ADCY1: variants seen among roughly 807,000 people sequenced by gnomAD.
ADCY1 encodes the protein adenylate cyclase 1.
ADCY1 carries 28 observed loss-of-function variants against 105.4 expected under a neutral mutation model. The observed-to-expected ratio is 0.27, with a 90% CI of 0.20 to 0.36. ADCY1 has a LOEUF of 0.36. ADCY1 is among the 10% of genes least tolerant of loss of function. ADCY1 has a pLI of 1.00. For missense variants in ADCY1, 977 were observed against 1,434.2 expected (o/e 0.68, Z 5.15); for synonymous variants, 655 against 623.8 (o/e 1.05, Z -0.75).
At chr7:45,670,598 C>A (rs1784347604) in intron 8 of ADCY1, among the ~76,000 whole-genome samples, 1 of 152,100 alleles carries the variant, frequency 6.6e-6, no homozygotes, top group South Asian at 2.1e-4. Context: ...ATTCCGTGAC[C>A]TGAGAGTGGA....
Position 45,591,659 on chromosome 7 carries a change from GC to G in ADCY1, c.640-1098del, listed in dbSNP as rs1329077899. On this transcript the variant is annotated intron_variant, in intron 1 of 19. Transcript: ENST00000297323. This position sits in a 1 kb window ranked among gnomAD's most constrained non-coding sequence, Gnocchi z 4.1. ...TTACAAACTGCAGCCCCTCTTCAGGGCCTCTGGCAGGACATGCCATGGCCCT... is the reference window on the plus strand; with the variant it reads ...TTACAAACTGCAGCCCCTCTTCAGGGCTCTGGCAGGACATGCCATGGCCCT... Among the ~76,000 whole-genome samples the G allele has an allele frequency of 5.9e-5, 9 of 152,246 alleles. No homozygotes were observed. The highest frequency in any genetic ancestry group is 1.0e-4 in the Non-Finnish European group (7 of 68,050).
At chr7:45,682,446 G>T (rs747128878) in intron 11 of ADCY1, among the ~76,000 whole-genome samples, 1 of 152,172 alleles carries the variant, frequency 6.6e-6, no homozygotes, top group African/African-American at 2.4e-5. Flanking sequence ...AGCCCAGGAG[G>T]TGTGCACTGG....
chr7:45,629,283 A>G (rs1015556285), intron 4 of ADCY1, among the ~76,000 whole-genome samples: 1 of 152,204 alleles, frequency 6.6e-6, no homozygotes, highest in Non-Finnish European at 1.5e-5. Flanking sequence ...TGCATGTGTC[A>G]GTACTTCATT....
intron 1 of ADCY1, among the ~76,000 whole-genome samples, chr7:45,587,352 G>A (rs957301808): frequency 6.6e-6 from 1 of 152,182 alleles, no homozygotes; most frequent in Non-Finnish European, 1.5e-5. Context: ...GGGAGGTGGC[G>A]CTCCATCCAG....
At chr7:45,634,365 A>AT (rs1794341675) in intron 4 of ADCY1, among the ~76,000 whole-genome samples, 1 of 148,190 alleles carries the variant, frequency 6.7e-6, no homozygotes, top group Non-Finnish European at 1.5e-5. Context: ...TACCAGTTGG[A>AT]TTTTTTGTGG....
At chr7:45,702,245 C>A (rs1015302633) in intron 14 of ADCY1, among the ~76,000 whole-genome samples, 1 of 152,214 alleles carries the variant, frequency 6.6e-6, no homozygotes, top group Non-Finnish European at 1.5e-5. Flanking sequence ...AACTAAGGGG[C>A]ATGCTGTCCC....
intron 8 of ADCY1, among the ~76,000 whole-genome samples, chr7:45,667,560 C>T (rs1348956419): frequency 6.6e-6 from 1 of 152,146 alleles, no homozygotes; most frequent in African/African-American, 2.4e-5. Context: ...AGTCAGGTGG[C>T]ATGATGCCTC....
chr7:45,622,107 C>T (rs1793914420), intron 3 of ADCY1, among the ~76,000 whole-genome samples: 1 of 152,186 alleles, frequency 6.6e-6, no homozygotes. Flanking sequence ...TCATTGCAGA[C>T]TGAGGGGGCG....
At chr7:45,694,890 T>C (rs1475915740) in intron 14 of ADCY1, among the ~76,000 whole-genome samples, 1 of 152,260 alleles carries the variant, frequency 6.6e-6, no homozygotes, top group Non-Finnish European at 1.5e-5. Flanking sequence ...GGTTGTTCCC[T>C]ACAGTCCTTT....
intron 16 of ADCY1, 72 bp from the exon 17 acceptor site, chr7:45,704,446 T>C: frequency 1.5e-6 from 2 of 1,372,662 alleles, no homozygotes; most frequent in Non-Finnish European, 2.1e-6. Flanking sequence ...CTGTTGCTCC[T>C]GGGGGCTGAC....
At chr7:45,690,507 G>C (rs1784765685) in intron 14 of ADCY1, among the ~76,000 whole-genome samples, 1 of 152,232 alleles carries the variant, frequency 6.6e-6, no homozygotes, top group South Asian at 2.1e-4. Context: ...CCTCGCTACT[G>C]GCCCCTGCTC....
chr7:45,671,175 T>C (rs1784358223), intron 8 of ADCY1, among the ~76,000 whole-genome samples: 4 of 152,204 alleles, frequency 2.6e-5, no homozygotes, highest in Admixed American at 2.6e-4. Flanking sequence ...TCCCTCTAAA[T>C]GGTATCATAC....
chr7:45,645,474 C>G (rs574540601), intron 4 of ADCY1, among the ~76,000 whole-genome samples: 1 of 152,196 alleles, frequency 6.6e-6, no homozygotes, highest in South Asian at 2.1e-4. Context: ...CTGACAGGCC[C>G]CACCTTTGCC....
At chr7:45,664,412 T>C (rs191560442) in intron 8 of ADCY1, 5 of 1,535,908 alleles carry the variant, frequency 3.3e-6, no homozygotes, top group Non-Finnish European at 3.5e-6. Context: ...TCACCAGTGC[T>C]GCAAGGATGA....
At chr7:45,604,010 T>G (rs1793313706) in intron 2 of ADCY1, among the ~76,000 whole-genome samples, 1 of 152,256 alleles carries the variant, frequency 6.6e-6, no homozygotes, top group South Asian at 2.1e-4. Context: ...AAAGCTGCTA[T>G]GAACATTCAT....
intron 3 of ADCY1, among the ~76,000 whole-genome samples, chr7:45,619,285 C>A (rs912344784): frequency 2.0e-5 from 3 of 152,018 alleles, no homozygotes; most frequent in Admixed American, 2.0e-4. Context: ...GAAATAAGTT[C>A]TATTGTTCTA....
chr7:45,584,267 A>G (rs983003032), intron 1 of ADCY1, among the ~76,000 whole-genome samples: 3 of 152,112 alleles, frequency 2.0e-5, no homozygotes, highest in Admixed American at 1.3e-4. Context: ...TCTTACTGAC[A>G]TGGTTCGCCT....
Position 45,714,183 on chromosome 7 carries a change from G to A in ADCY1, c.*188G>A, listed in dbSNP as rs1785319381. The A allele has an allele frequency of 3.4e-6, 2 of 592,458 alleles. No individual in the cohort carries two copies. Among genetic ancestry groups the A allele is most frequent in the Admixed American group, 3.0e-5 (1 of 33,700 alleles). The allele number at this position is 592,458 out of a possible 1,614,324, so 36.7% of individuals were successfully genotyped here. On this transcript the variant is annotated 3_prime_UTR_variant, in exon 20 of 20. Coordinates refer to ENST00000297323, the MANE Select transcript of ADCY1 (RefSeq NM_021116.4). ...CCAACCACCGAGCAGGCACAGCACA[G>A]CAGTGACTCGGTGAGGGGAGGACAC...
chr7:45,665,913 A>G (rs1784242042), intron 8 of ADCY1, among the ~76,000 whole-genome samples: 1 of 152,180 alleles, frequency 6.6e-6, no homozygotes, highest in Non-Finnish European at 1.5e-5. Context: ...TCTTACGAGG[A>G]TAGCCTAGGG....
Sources: gnomAD v4.1 joint callset for allele counts (sites outside exome capture counted in the v4.1 genomes callset) on GRCh38, gnomAD v4.1.1 for gene constraint, Gnocchi (gnomAD v3.1) non-coding constraint, MANE v1.5 for transcripts, NCBI Gene and HGNC (gene_info 2026-07-23, HGNC 2026-07-21) for gene names.